NKAIN2: variants seen among roughly 807,000 people sequenced by gnomAD.
NKAIN2 encodes sodium/potassium transporting ATPase interacting 2, also known as sodium/potassium-transporting ATPase subunit beta-1-interacting protein 2.
In NKAIN2, 14 loss-of-function variants were observed where a neutral mutation model predicts 32.6. The ratio of observed to expected loss-of-function variants is 0.43; its 90% CI spans 0.28 to 0.67. The LOEUF (loss-of-function observed/expected upper bound fraction) is 0.67. Among genes scored for constraint, NKAIN2 ranks in the 30% least tolerant of loss-of-function variants. The pLI, the probability that NKAIN2 is intolerant of heterozygous loss-of-function variation, is 0.17. For missense variants in NKAIN2, 198 were observed against 258.3 expected (o/e 0.77, Z 1.60); for synonymous variants, 80 against 87.2 (o/e 0.92, Z 0.46).
chr6:123,893,700 A>C (rs1448005948), intron 1 of NKAIN2, among the ~76,000 whole-genome samples: 1 of 152,206 alleles, frequency 6.6e-6, no homozygotes, highest in Non-Finnish European at 1.5e-5. Flanking sequence ...GAATTTATTT[A>C]AATATTCAAA....
At chr6:124,484,772 T>G (rs976427084) in intron 3 of NKAIN2, among the ~76,000 whole-genome samples, 2 of 152,234 alleles carry the variant, frequency 1.3e-5, no homozygotes, top group Non-Finnish European at 2.9e-5. Flanking sequence ...TAAACATGCA[T>G]GTATGAATAA....
intron 2 of NKAIN2, among the ~76,000 whole-genome samples, chr6:124,344,132 A>G (rs1798282168): frequency 6.6e-6 from 1 of 152,110 alleles, no homozygotes; most frequent in Admixed American, 6.6e-5. Context: ...GTCAAAGATC[A>G]GATAGTTGTA....
chr6:123,938,607 T>A (rs905268825), intron 1 of NKAIN2, among the ~76,000 whole-genome samples: 5 of 142,814 alleles, frequency 3.5e-5, no homozygotes, highest in African/African-American at 1.0e-4. Context: ...TTATATATAT[T>A]TTTATATATT....
At chr6:124,441,348 C>T (rs1388149982) in intron 3 of NKAIN2, among the ~76,000 whole-genome samples, 2 of 152,022 alleles carry the variant, frequency 1.3e-5, no homozygotes, top group Non-Finnish European at 2.9e-5. Context: ...CCAAAAATTC[C>T]TTAACAGTCC....
intron 1 of NKAIN2, among the ~76,000 whole-genome samples, chr6:124,187,066 A>G (rs1027150760): frequency 2.6e-5 from 4 of 152,184 alleles, no homozygotes; most frequent in Non-Finnish European, 5.9e-5. Flanking sequence ...ATACCTTTCC[A>G]CATAGCTTTG....
At chr6:124,109,669 A>T (rs1237943788) in intron 1 of NKAIN2, among the ~76,000 whole-genome samples, 1 of 152,110 alleles carries the variant, frequency 6.6e-6, no homozygotes, top group African/African-American at 2.4e-5. Flanking sequence ...TGAGAGTGGC[A>T]TTCTTGCCTC....
At chr6:124,519,832 T>G (rs1228778895) in intron 3 of NKAIN2, among the ~76,000 whole-genome samples, 1 of 152,208 alleles carries the variant, frequency 6.6e-6, no homozygotes, top group Admixed American at 6.5e-5. Context: ...ATCTTAATAC[T>G]TGCATGTCTT....
chr6:124,618,144 A>T (rs1192954218), intron 3 of NKAIN2, among the ~76,000 whole-genome samples: 5 of 152,252 alleles, frequency 3.3e-5, no homozygotes, highest in Admixed American at 2.6e-4. Flanking sequence ...CCACTCTGGT[A>T]GTAAGCTTAT....
intron 4 of NKAIN2, among the ~76,000 whole-genome samples, chr6:124,686,782 C>A (rs1478053040): frequency 3.3e-5 from 5 of 152,116 alleles, no homozygotes; most frequent in Admixed American, 6.6e-5. Flanking sequence ...GTAAACTTGA[C>A]TGGATTGAAG....
intron 3 of NKAIN2, among the ~76,000 whole-genome samples, chr6:124,476,065 A>T (rs2814785): frequency 0.013 from 1,753 of 132,506 alleles, 39 homozygotes; most frequent in African/African-American, 0.046. Flanking sequence ...AGAGAGAGAG[A>T]GTGTGTGTGT....
intron 1 of NKAIN2, among the ~76,000 whole-genome samples, chr6:124,020,264 A>G (rs1432061371): frequency 6.6e-6 from 1 of 152,122 alleles, no homozygotes; most frequent in African/African-American, 2.4e-5. Context: ...CTTCCTGCCA[A>G]AATTAATGGA....
chr6:124,282,748 A>T (rs538554454), intron 1 of NKAIN2, among the ~76,000 whole-genome samples: 4 of 152,302 alleles, frequency 2.6e-5, no homozygotes, highest in Non-Finnish European at 5.9e-5. Context: ...TGCAAAGATG[A>T]CATCTTGTGA....
intron 1 of NKAIN2, among the ~76,000 whole-genome samples, chr6:124,161,709 C>T (rs1384169840): frequency 2.0e-5 from 3 of 151,884 alleles, no homozygotes; most frequent in African/African-American, 7.3e-5. Flanking sequence ...TATTTGATAC[C>T]ACATGTTCTC....
intron 2 of NKAIN2, among the ~76,000 whole-genome samples, chr6:124,325,891 A>G (rs1220633946): frequency 3.3e-5 from 5 of 152,054 alleles, no homozygotes; most frequent in Admixed American, 3.3e-4. Context: ...TTTTACTAGC[A>G]TATGTCTCAA....
intron 3 of NKAIN2, among the ~76,000 whole-genome samples, chr6:124,587,269 CT>C (rs1313493951): frequency 1.3e-5 from 2 of 151,824 alleles, no homozygotes; most frequent in Middle Eastern, 3.2e-3. Flanking sequence ...CTCGCTGTGT[CT>C]CCCAGGCTGG....
rs1779509317 is a variant in NKAIN2, at chr6:124,531,102, A to G, written c.274-127084A>G. On this transcript the variant is annotated intron_variant, in intron 3 of 6. Transcript: ENST00000368417. Reference sequence around the variant, plus strand: ...CACATAAAATTCACCACCACATGATACAAAGAAAAGTCAGCAGCCTGTGAC... The same window carrying G: ...CACATAAAATTCACCACCACATGATGCAAAGAAAAGTCAGCAGCCTGTGAC... 2.6e-5 allele frequency among the ~76,000 whole-genome samples: 4 copies of G among 152,234 alleles called. No homozygotes were observed. The South Asian group carries it at 8.3e-4, about 32-fold the overall frequency.
At chr6:124,218,928 C>A (rs1270664674) in intron 1 of NKAIN2, among the ~76,000 whole-genome samples, 1 of 152,204 alleles carries the variant, frequency 6.6e-6, no homozygotes, top group South Asian at 2.1e-4. Flanking sequence ...CAGGGGAGGC[C>A]TCAGGAAAGT....
chr6:123,855,503 A>G (rs1775523784), intron 1 of NKAIN2, among the ~76,000 whole-genome samples: 1 of 152,214 alleles, frequency 6.6e-6, no homozygotes, highest in African/African-American at 2.4e-5. Flanking sequence ...GTAAAGAGAT[A>G]TTATCTAGTA....
intron 4 of NKAIN2, among the ~76,000 whole-genome samples, chr6:124,719,063 G>T (rs1048929316): frequency 1.3e-5 from 2 of 152,044 alleles, no homozygotes; most frequent in Non-Finnish European, 2.9e-5. Flanking sequence ...TTTTCTGTCT[G>T]CTAATTTATT....
Sources: gnomAD v4.1 joint callset for allele counts (sites outside exome capture counted in the v4.1 genomes callset) on GRCh38, gnomAD v4.1.1 for gene constraint, MANE v1.5 for transcripts, NCBI Gene and HGNC (gene_info 2026-07-23, HGNC 2026-07-21) for gene names.